DOCK6: variants seen among roughly 807,000 people sequenced by gnomAD.
DOCK6 encodes dedicator of cytokinesis protein 6.
Under a neutral mutation model 230.3 loss-of-function variants are expected in DOCK6, and 167 were observed. The observed-to-expected ratio is 0.73, with a 90% confidence interval of 0.64 to 0.82. The LOEUF is 0.82. Among genes scored for constraint, DOCK6 ranks in the 40% least tolerant of loss-of-function variants. DOCK6 has a pLI of 0.00. For missense variants in DOCK6, 2,598 were observed against 2,825.8 expected (o/e 0.92, Z 1.83); for synonymous variants, 1,148 against 1,185.0 (o/e 0.97, Z 0.64).
At position 11,201,023 on chromosome 19, in the gene DOCK6, G is replaced by T. The variant is rs369447950; in HGVS notation, c.5718C>A (p.Ile1906=). 2.9e-5 allele frequency: 46 copies of T among 1,613,840 alleles called. No homozygotes were observed. The highest frequency in any genetic ancestry group is 3.8e-5 in the Non-Finnish European group (45 of 1,179,840). ...ETVLTPVEVA[I]EDMQKKTREL... is the part of the protein sequence containing the mutation. ...CCCGTGTCTTCTTCTGCATGTCCTC[G>T]ATGGCCACCTCCACTGGCGTCAGCA... is the stretch of plus-strand genomic sequence containing the variant. The change falls in exon 45 of 48, where the codon ATC becomes ATA. Residue 1906 remains isoleucine (I), a synonymous_variant. Transcript: ENST00000294618. This position sits in a 1 kb window ranked among gnomAD's most constrained non-coding sequence, Gnocchi z 4.3.
In DOCK6 at chr19:11,236,586, G is replaced by T. The variant is rs542156730; in HGVS notation, c.2161-9C>A. On this transcript the variant is annotated splice_polypyrimidine_tract_variant and intron_variant, in intron 19 of 47. Transcript: ENST00000294618. This position sits in a 1 kb window ranked among gnomAD's most constrained non-coding sequence, Gnocchi z 5.2. Reference sequence around the variant, plus strand: ...TTGTCCAGGTAGGGGTCCTGGGTAGGGATGTGGAGTGAGCAGGGTGGGGCC... The same window carrying T: ...TTGTCCAGGTAGGGGTCCTGGGTAGTGATGTGGAGTGAGCAGGGTGGGGCC... 3 of 1,571,212 alleles carry T rather than the reference G, an allele frequency of 1.9e-6. No individual in the cohort carries two copies. In the African/African-American group the frequency reaches 4.0e-5, roughly 21 times the overall value.
At chr19:11,224,196 T>TTCTTTCTTTCTTTCTTTCTTTCTC (rs2079626384) in intron 24 of DOCK6, among the ~76,000 whole-genome samples, 1 of 150,280 alleles carries the variant, frequency 6.7e-6, no homozygotes, top group Non-Finnish European at 1.5e-5. Flanking sequence ...TTACTTTTCT[T>TTCTTTCTTTCTTTCTTTCTTTCTC]TCTTTCTTTC....
chr19:11,235,795 A>G, intron 20 of DOCK6, 36 bp from the exon 21 acceptor site: 1 of 1,552,802 alleles, frequency 6.4e-7, no homozygotes, highest in Non-Finnish European at 8.7e-7. Context: ...TCCAGGGCCC[A>G]AGGCCTCTCA....
At chr19:11,220,501 G>A (rs1024409023) in intron 28 of DOCK6, among the ~76,000 whole-genome samples, 1 of 152,180 alleles carries the variant, frequency 6.6e-6, no homozygotes, top group Non-Finnish European at 1.5e-5. Context: ...ATCTGCCTAA[G>A]AGAGGGAAAG....
rs746645998 is a variant in DOCK6 at position 11,243,654 on chromosome 19, C to T, written c.1161G>A (p.Leu387=). 1.9e-6 allele frequency: 3 copies of T among 1,612,950 alleles called. No homozygotes were observed. The highest frequency in any genetic ancestry group is 1.7e-6 in the Non-Finnish European group (2 of 1,179,774). Reference sequence around the variant, plus strand: ...AGGCGAAGGGCATGCGGTAGCGGCCCAGGCGGGTGCAGAACTGCTCGGCCG... The same window carrying T: ...AGGCGAAGGGCATGCGGTAGCGGCCTAGGCGGGTGCAGAACTGCTCGGCCG... The part of the protein sequence containing the change: ...RLAAEQFCTR[L]GRYRMPFAWT... Residue 387 remains leucine (L), a synonymous_variant, in exon 11 of 48, where the codon CTG becomes CTA. Transcript: ENST00000294618. The surrounding 1 kb of genome is among the most constrained non-coding windows in gnomAD (Gnocchi z 6.3).
At chr19:11,258,258 T>C (rs1599297721) in intron 1 of DOCK6, among the ~76,000 whole-genome samples, 1 of 152,280 alleles carries the variant, frequency 6.6e-6, no homozygotes, top group East Asian at 1.9e-4. Context: ...ACCTCATGAT[T>C]CAGTTTATAT....
At chr19:11,220,395 C>T (rs894304846) in intron 28 of DOCK6, among the ~76,000 whole-genome samples, 1 of 152,154 alleles carries the variant, frequency 6.6e-6, no homozygotes, top group African/African-American at 2.4e-5. Flanking sequence ...CCTAGAGTCT[C>T]CTGAAACAAA....
chr19:11,203,209 AC>A (rs1255889961), intron 41 of DOCK6: 4 of 171,688 alleles, frequency 2.3e-5, no homozygotes, highest in South Asian at 1.4e-4. Flanking sequence ...GGAAGAAGGA[AC>A]CCCCTCCCTA....
chr19:11,251,197 G>A (rs1388239765), intron 5 of DOCK6, 111 bp from the exon 6 acceptor site: 3 of 1,135,830 alleles, frequency 2.6e-6, no homozygotes, highest in Non-Finnish European at 1.3e-6. Context: ...GAGGGTCAGG[G>A]GGTGAGGGTC....
At chr19:11,221,120 G>C (rs559949415) in intron 28 of DOCK6, 2 of 152,168 alleles carry the variant, frequency 1.3e-5, no homozygotes, top group African/African-American at 4.8e-5. Context: ...CACTGCGCCC[G>C]GCCTAATATC....
intron 14 of DOCK6, chr19:11,239,518 G>A: frequency 8.1e-7 from 1 of 1,242,054 alleles, no homozygotes; most frequent in Non-Finnish European, 1.1e-6. Flanking sequence ...ACCACTGCCA[G>A]GCCCTTGTGC....
At position 11,202,190 on chromosome 19, in the gene DOCK6, GGA is replaced by G. The variant is rs1174968780; in HGVS notation, c.5452-67_5452-66del. The G allele has an allele frequency of 2.0e-6, 3 of 1,527,934 alleles. No individual in the cohort carries two copies. Among genetic ancestry groups the G allele is most frequent in the Non-Finnish European group, 2.7e-6 (3 of 1,108,848 alleles). 94.6% of individuals were successfully genotyped at this position (1,527,934 alleles called of 1,614,324 possible). A position where few individuals can be genotyped will look rare whatever the true frequency, so the allele number is the denominator to read the frequency against. ...CACGCACAGCCCAAGCCCTGTTCCT[GGA>G]GAGAGGGGATCTGGGGACTTTGTCA... On this transcript the variant is annotated intron_variant, in intron 43 of 47. Coordinates refer to ENST00000294618, the MANE Select transcript of DOCK6 (RefSeq NM_020812.4). The surrounding 1 kb of genome is among the most constrained non-coding windows in gnomAD (Gnocchi z 5.3).
intron 20 of DOCK6, chr19:11,235,968 C>T (rs1279651082): frequency 1.5e-5 from 9 of 598,102 alleles, no homozygotes; most frequent in African/African-American, 1.1e-4. Context: ...GTCACCTCCG[C>T]CTCCCAGGTT....
rs1237241507 is a variant in DOCK6, at chr19:11,222,453, CAG to C, written c.3241-207_3241-206del. Reference sequence around the variant, plus strand: ...TGACGTTAACCCATCTGTGATGTAACAGGGCACGGAGTCAAAAGTCAGAGGAC... The same window carrying C: ...TGACGTTAACCCATCTGTGATGTAACGGCACGGAGTCAAAAGTCAGAGGAC... On this transcript the variant is annotated intron_variant, in intron 26 of 47. Coordinates refer to ENST00000294618, the MANE Select transcript of DOCK6 (RefSeq NM_020812.4). The surrounding 1 kb of genome is among the most constrained non-coding windows in gnomAD (Gnocchi z 4.0). 3.1e-5 allele frequency: 24 copies of C among 772,356 alleles called. No individual in the cohort carries two copies. The highest frequency in any genetic ancestry group is 1.7e-4 in the South Asian group (9 of 52,562). 47.8% of individuals were successfully genotyped at this position (772,356 alleles called of 1,614,324 possible). A position where few individuals can be genotyped will look rare whatever the true frequency, so the allele number is the denominator to read the frequency against.
chr19:11,236,827 A>G lies in DOCK6; in HGVS notation c.2126T>C (p.Val709Ala). ...WVDGHKGVFS[V>A]ELTAVSSVHP... The stretch of plus-strand genomic sequence containing the variant: ...CACAGAGGACACGGCTGTGAGCTCC[A>G]CACTGAACACGCCCTTGTGACCGTC... The change falls in exon 19 of 48, where the codon GTG becomes GCG. Residue 709 changes from valine (V) to alanine (A), a missense_variant. By Grantham distance (64) the Val-to-Ala change is moderately conservative (BLOSUM62 0). Coordinates refer to ENST00000294618, the MANE Select transcript of DOCK6 (RefSeq NM_020812.4). The surrounding 1 kb of genome is among the most constrained non-coding windows in gnomAD (Gnocchi z 5.2). 2 of 1,555,316 alleles carry G rather than the reference A, an allele frequency of 1.3e-6. No individual in the cohort carries two copies. Among genetic ancestry groups the G allele is most frequent in the Non-Finnish European group, 1.7e-6 (2 of 1,149,576 alleles).
intron 9 of DOCK6, among the ~76,000 whole-genome samples, chr19:11,245,218 G>GA (rs535880547): frequency 1.3e-4 from 20 of 152,194 alleles, no homozygotes; most frequent in Non-Finnish European, 2.4e-4. Flanking sequence ...CCCAGAAACA[G>GA]AAAATCTCAA....
In DOCK6 at chr19:11,223,042, AGGGACAG is replaced by A; in HGVS notation, c.3013_3019del (p.Leu1005TrpfsTer32). On this transcript the variant is annotated frameshift_variant, in exon 25 of 48. Transcript: ENST00000294618. LOFTEE classifies it high-confidence loss of function. Reference sequence around the variant, plus strand: ...GCTGAAGACAAAGCCCCGGTCCACCAGGGACAGAAGGTCACTGAGGAAGAAAGCCAGG... The same window carrying A: ...GCTGAAGACAAAGCCCCGGTCCACCAAAGGTCACTGAGGAAGAAAGCCAGG... The A allele has an allele frequency of 6.2e-7, 1 of 1,613,802 alleles. No homozygotes were observed. Among genetic ancestry groups the A allele is most frequent in the Non-Finnish European group, 8.5e-7 (1 of 1,179,874 alleles).
At position 11,201,513 on chromosome 19, in the gene DOCK6, T is replaced by C. The variant is rs2079168232; in HGVS notation, c.5688+376A>G. ...CTGGGTCTGGAGGTAGAGGTTTCAG[T>C]TTAGAGATTGGAATGCAGGGTCTCC... On this transcript the variant is annotated intron_variant, in intron 44 of 47. Coordinates refer to ENST00000294618, the MANE Select transcript of DOCK6 (RefSeq NM_020812.4). The surrounding 1 kb of genome is among the most constrained non-coding windows in gnomAD (Gnocchi z 4.3). Among the ~76,000 whole-genome samples the C allele has an allele frequency of 6.6e-6, 1 of 151,400 alleles. No individual in the cohort carries two copies. The highest frequency in any genetic ancestry group is 1.5e-5 in the Non-Finnish European group (1 of 67,856).
chr19:11,261,858 C>T (rs2080296226), intron 1 of DOCK6, among the ~76,000 whole-genome samples: 1 of 151,680 alleles, frequency 6.6e-6, no homozygotes, highest in Non-Finnish European at 1.5e-5. Context: ...CCCCCGACAG[C>T]TGGGCACTGG....
Sources: gnomAD v4.1 joint callset for allele counts (sites outside exome capture counted in the v4.1 genomes callset) on GRCh38, gnomAD v4.1.1 for gene constraint, Gnocchi (gnomAD v3.1) non-coding constraint, MANE v1.5 for transcripts, NCBI Gene and HGNC (gene_info 2026-07-23, HGNC 2026-07-21) for gene names.